Variants in NAV2 observed in about 807,000 individuals in gnomAD.
The protein encoded by NAV2 is neuron navigator 2.
NAV2 carries 54 observed loss-of-function variants against 223.2 expected under a neutral mutation model. The ratio of observed to expected loss-of-function variants is 0.24; its 90% CI spans 0.19 to 0.30. The LOEUF (loss-of-function observed/expected upper bound fraction) is 0.30. Among genes scored for constraint, NAV2 ranks in the 10% least tolerant of loss-of-function variants. The pLI is 1.00. For synonymous variants in NAV2, 1,279 were observed against 1,239.3 expected (o/e 1.03, Z -0.67); for missense variants, 2,806 against 3,147.5 (o/e 0.89, Z 2.60).
intron 11 of NAV2, among the ~76,000 whole-genome samples, chr11:20,016,224 GA>G (rs2053992690): frequency 6.6e-6 from 1 of 152,190 alleles, no homozygotes; most frequent in Admixed American, 6.5e-5. Context: ...TTCCAGAAAA[GA>G]CATCCCTGAT....
rs1395352759 is a variant in NAV2, at chr11:19,948,872, T to C, written c.2437T>C (p.Phe813Leu). 3 of 1,613,858 alleles carry C rather than the reference T, an allele frequency of 1.9e-6. No homozygotes were observed. In the African/African-American group the frequency reaches 4.0e-5, roughly 22 times the overall value. ...TCCCCCTCGAGCCAACGCCAGCAGG[T>C]TCATCAACACTGAGTCAGGTCGCTA... is the stretch of plus-strand genomic sequence containing the variant. Reference protein sequence around the residue: ...GYPPRANASRFINTESGRYVY... With the variant: ...GYPPRANASRLINTESGRYVY... Residue 813 changes from phenylalanine (F) to leucine (L), a missense_variant, in exon 10 of 38, where the codon TTC becomes CTC. By Grantham distance (22) the Phe-to-Leu change is conservative (BLOSUM62 0). Transcript: ENST00000349880.
intron 1 of NAV2, among the ~76,000 whole-genome samples, chr11:19,523,373 C>T (rs986017831): frequency 4.6e-5 from 7 of 152,192 alleles, no homozygotes; most frequent in African/African-American, 7.2e-5. Flanking sequence ...GTGCATCCCT[C>T]CTGTTCCACT....
intron 1 of NAV2, among the ~76,000 whole-genome samples, chr11:19,705,397 A>T (rs1383751101): frequency 6.6e-6 from 1 of 152,040 alleles, no homozygotes; most frequent in Non-Finnish European, 1.5e-5. Context: ...TTTTATTTAC[A>T]TTTTTCCTGG....
intron 1 of NAV2, among the ~76,000 whole-genome samples, chr11:19,553,832 C>T (rs976640117): frequency 1.3e-5 from 2 of 152,242 alleles, no homozygotes; most frequent in African/African-American, 4.8e-5. Flanking sequence ...ACAGAGGCAG[C>T]ACCAGCCTCT....
At chr11:19,456,406 C>G (rs1851960666) in intron 1 of NAV2, among the ~76,000 whole-genome samples, 1 of 152,148 alleles carries the variant, frequency 6.6e-6, no homozygotes. Context: ...TGCAGAGTAG[C>G]TATTATTATC....
intron 10 of NAV2, among the ~76,000 whole-genome samples, chr11:19,965,657 C>T (rs1453210988): frequency 6.6e-6 from 1 of 152,234 alleles, no homozygotes. Context: ...TGATTATATT[C>T]TCTGCTTACA....
intron 1 of NAV2, among the ~76,000 whole-genome samples, chr11:19,377,392 T>C (rs746206740): frequency 7.2e-5 from 11 of 152,168 alleles, no homozygotes; most frequent in Non-Finnish European, 1.5e-4. Flanking sequence ...AGCCTCTAAC[T>C]CCTACCCTGC....
intron 1 of NAV2, among the ~76,000 whole-genome samples, chr11:19,514,792 T>C (rs912049256): frequency 4.6e-5 from 7 of 151,688 alleles, no homozygotes; most frequent in Admixed American, 2.0e-4. Context: ...GGGAAAAGCT[T>C]TGGACTCATG....
chr11:19,773,403 G>A (rs1318304605), intron 1 of NAV2, among the ~76,000 whole-genome samples: 2 of 152,202 alleles, frequency 1.3e-5, no homozygotes, highest in Admixed American at 1.3e-4. Flanking sequence ...TACCATGAGA[G>A]TTCAAGAATG....
chr11:19,864,850 C>T (rs1215075521), intron 3 of NAV2, among the ~76,000 whole-genome samples: 3 of 152,172 alleles, frequency 2.0e-5, no homozygotes, highest in Non-Finnish European at 4.4e-5. Context: ...TTACCTCCAT[C>T]CTTCACTCAA....
chr11:20,096,137 C>G (rs1219137776), intron 30 of NAV2, among the ~76,000 whole-genome samples: 1 of 152,182 alleles, frequency 6.6e-6, no homozygotes, highest in East Asian at 1.9e-4. Context: ...GGCTTAGACA[C>G]CAGATTTCTA....
chr11:19,484,736 C>A (rs1005152311), intron 1 of NAV2, among the ~76,000 whole-genome samples: 2 of 152,266 alleles, frequency 1.3e-5, no homozygotes, highest in African/African-American at 4.8e-5. Context: ...TCCAGCCCCA[C>A]AGCAACAGGC....
chr11:20,067,293 T>C (rs7126674), intron 20 of NAV2, among the ~76,000 whole-genome samples: 101,791 of 151,916 alleles, frequency 0.67, 35,537 homozygotes, highest in East Asian at 0.92. Context: ...GCTCCCACTG[T>C]GGTGTCCTAG....
intron 1 of NAV2, among the ~76,000 whole-genome samples, chr11:19,585,474 T>C (rs1165121007): frequency 2.0e-5 from 3 of 152,192 alleles, no homozygotes; most frequent in Non-Finnish European, 4.4e-5. Flanking sequence ...TTCCTAGCCT[T>C]GATGGTCTTT....
intron 11 of NAV2, among the ~76,000 whole-genome samples, chr11:20,031,687 A>G (rs2055759020): frequency 6.6e-6 from 1 of 152,122 alleles, no homozygotes; most frequent in African/African-American, 2.4e-5. Flanking sequence ...AGAATCAAGT[A>G]GCCACTGGCA....
chr11:19,745,215 C>T (rs536585778), intron 1 of NAV2, among the ~76,000 whole-genome samples: 5 of 152,300 alleles, frequency 3.3e-5, no homozygotes, highest in Middle Eastern at 3.4e-3. Flanking sequence ...CTCCCCTTTC[C>T]GCCTGTCATG....
At chr11:19,375,599 C>G (rs1848614899) in intron 1 of NAV2, among the ~76,000 whole-genome samples, 1 of 152,330 alleles carries the variant, frequency 6.6e-6, no homozygotes, top group East Asian at 1.9e-4. Context: ...CTTGAGGGTA[C>G]AGTTTACAGT....
intron 1 of NAV2, among the ~76,000 whole-genome samples, chr11:19,615,769 G>A (rs1341923715): frequency 2.0e-5 from 3 of 152,156 alleles, no homozygotes; most frequent in African/African-American, 7.2e-5. Context: ...TTTATTGAGA[G>A]CGTGTGATGT....
intron 1 of NAV2, among the ~76,000 whole-genome samples, chr11:19,738,242 C>G (rs1019305687): frequency 5.9e-5 from 9 of 152,192 alleles, no homozygotes; most frequent in Non-Finnish European, 1.5e-5. Flanking sequence ...GAGTCGGGTC[C>G]CTTTCCTCCC....
Sources: allele counts gnomAD v4.1 joint callset (sites outside exome capture counted in the v4.1 genomes callset), GRCh38; gene constraint gnomAD v4.1.1; transcripts MANE v1.5; gene names NCBI Gene and HGNC (gene_info 2026-07-23, HGNC 2026-07-21).